NBPF11: variants seen among roughly 807,000 people sequenced by gnomAD.
NBPF11 encodes the protein NBPF member 11, also known as NBPF family member NBPF11.
In NBPF11, 72 loss-of-function variants were observed where a neutral mutation model predicts 93.9. The observed-to-expected ratio is 0.77, with a 90% CI of 0.63 to 0.93. The LOEUF is 0.93. Among genes scored for constraint, NBPF11 ranks in the 40% least tolerant of loss-of-function variants. The pLI is 0.00. For synonymous variants in NBPF11, 224 were observed against 304.9 expected (o/e 0.73, Z 2.76); for missense variants, 705 against 802.2 (o/e 0.88, Z 1.46).
chr1:148,146,985 G>A (rs1490207030), intron 1 of NBPF11: 56 of 1,427,472 alleles, frequency 3.9e-5, no homozygotes, highest in Non-Finnish European at 5.0e-5. Flanking sequence ...GCGGGGGGCC[G>A]GGGGGCGGGC....
At chr1:148,126,720 C>T (rs1351500126) in intron 5 of NBPF11, 109 bp downstream of exon 5, 4 of 666,934 alleles carry the variant, frequency 6.0e-6, no homozygotes, top group African/African-American at 1.8e-5. Context: ...GTTAAAATAC[C>T]CATTTCTGTT....
At chr1:148,124,846 C>T in intron 6 of NBPF11, 53 bp downstream of exon 6, 3 of 1,587,666 alleles carry the variant, frequency 1.9e-6, no homozygotes, top group East Asian at 2.2e-5. Context: ...AGCTGCTGTA[C>T]TTCAGAGATC....
intron 4 of NBPF11, among the ~76,000 whole-genome samples, chr1:148,131,119 T>A (rs1670258593): frequency 6.7e-6 from 1 of 148,652 alleles, no homozygotes; most frequent in Admixed American, 6.7e-5. Context: ...CCCTAAAAAC[T>A]GTTTCAGTAG....
At chr1:148,134,752 T>G (rs1170859364) in intron 4 of NBPF11, among the ~76,000 whole-genome samples, 1 of 151,886 alleles carries the variant, frequency 6.6e-6, no homozygotes, top group Admixed American at 6.6e-5. Context: ...ACAGCCTCAC[T>G]CAATTATGTG....
intron 18 of NBPF11, among the ~76,000 whole-genome samples, chr1:148,108,245 G>C (rs1165539095): frequency 0.034 from 5,193 of 150,716 alleles, 44 homozygotes; most frequent in African/African-American, 0.12. Flanking sequence ...AACATCTTGA[G>C]AGTAGGATTA....
chr1:148,142,010 G>A (rs1306515553), intron 2 of NBPF11, among the ~76,000 whole-genome samples: 106 of 141,006 alleles, frequency 7.5e-4, no homozygotes, highest in Non-Finnish European at 1.1e-3. Flanking sequence ...GGGAAGGAGG[G>A]AGGGAGGAAG....
chr1:148,104,615 C>A lies in NBPF11; in HGVS notation c.2503G>T (p.Glu835Ter). 3.4e-6 allele frequency: 2 copies of A among 581,104 alleles called. No homozygotes were observed. Among genetic ancestry groups the A allele is most frequent in the East Asian group, 5.7e-5 (2 of 35,342 alleles). 36.0% of individuals were successfully genotyped at this position (581,104 alleles called of 1,614,324 possible). Residue 835 changes from glutamate to a stop codon, truncating the protein, a stop_gained, in exon 23 of 24, where the codon GAA becomes TAA. Transcript: ENST00000682118. LOFTEE classifies it high-confidence loss of function. ...KLKRRGRGRK[E>*]GEEDQRRKEE... ...TTTCTTCTTTGATCTTCTTCCCCTTCTTTTCTTCCCCTTCCCCTTCTTTTC... is the reference window on the plus strand; with the variant it reads ...TTTCTTCTTTGATCTTCTTCCCCTTATTTTCTTCCCCTTCCCCTTCTTTTC...
At chr1:148,109,252 C>G (rs200421600) in intron 17 of NBPF11, 32 bp downstream of exon 17, 2 of 830,958 alleles carry the variant, frequency 2.4e-6, no homozygotes, top group Admixed American at 1.7e-5. Context: ...GTGTCAACAT[C>G]AAATTAACTG....
intron 15 of NBPF11, among the ~76,000 whole-genome samples, chr1:148,112,962 A>T (rs1253711624): frequency 6.6e-6 from 1 of 151,832 alleles, no homozygotes; most frequent in Non-Finnish European, 1.5e-5. Context: ...AAGAGCTCCT[A>T]AAGGAAGCAC....
rs1345183884 is a variant in NBPF11 at position 148,132,123 on chromosome 1, A to AAT, written c.-36+3547_-36+3548dup. 4.8e-3 allele frequency among the ~76,000 whole-genome samples: 667 copies of AAT among 138,696 alleles called. 2 individuals carry two copies. The highest frequency in any genetic ancestry group is 0.018 in the African/African-American group (645 of 35,418). 91.0% of individuals were successfully genotyped at this position (138,696 alleles called of 152,430 possible). A position where few individuals can be genotyped will look rare whatever the true frequency, so the allele number is the denominator to read the frequency against. On this transcript the variant is annotated intron_variant, in intron 4 of 23. Coordinates refer to ENST00000682118, the MANE Select transcript of NBPF11 (RefSeq NM_001385469.3). ...TGTGCTGTTTATCTTATCAGACTGC[A>AAT]ATATATATATGTGTGTGTGTGTATA...
chr1:148,111,468 G>T (rs1477655750), intron 15 of NBPF11, among the ~76,000 whole-genome samples: 7 of 151,970 alleles, frequency 4.6e-5, no homozygotes, highest in African/African-American at 1.7e-4. Flanking sequence ...GCTAAAGGAG[G>T]ATGTGCGAAC....
intron 10 of NBPF11, among the ~76,000 whole-genome samples, chr1:148,118,989 TCA>T (rs1667206126): frequency 1.5e-5 from 2 of 133,606 alleles, no homozygotes; most frequent in South Asian, 2.4e-4. Flanking sequence ...GAGTCAGAAT[TCA>T]CAGTCCCTGA....
At chr1:148,141,204 C>T (rs1195964689) in intron 2 of NBPF11, among the ~76,000 whole-genome samples, 2 of 151,928 alleles carry the variant, frequency 1.3e-5, no homozygotes, top group Admixed American at 6.5e-5. Flanking sequence ...AACTATTTTG[C>T]ATGATGCTGT....
rs56000032 is a variant in NBPF11 at position 148,122,422 on chromosome 1, T to C, written c.567-156A>G. On this transcript the variant is annotated intron_variant, in intron 8 of 23. Transcript: ENST00000682118. ...AGAGGGAACAGGCAATCCTCTTCTCTCTGCAACAGAGCTTCGCTGCCATGG... is the reference window on the plus strand; with the variant it reads ...AGAGGGAACAGGCAATCCTCTTCTCCCTGCAACAGAGCTTCGCTGCCATGG... Among the ~76,000 whole-genome samples, 232 of 152,190 alleles carry C rather than the reference T, an allele frequency of 1.5e-3. 6 individuals carry two copies. Among genetic ancestry groups the C allele is most frequent in the African/African-American group, 5.3e-3 (221 of 41,436 alleles).
intron 8 of NBPF11, 22 bp downstream of exon 8, chr1:148,122,707 G>C (rs1468721792): frequency 6.2e-7 from 1 of 1,607,956 alleles, no homozygotes; most frequent in Non-Finnish European, 8.5e-7. Flanking sequence ...CCCATTACTT[G>C]CTCCTGAGTA....
chr1:148,107,941 C>A (rs1664154043), intron 18 of NBPF11, among the ~76,000 whole-genome samples, 179 bp from the exon 19 acceptor site: 1 of 151,656 alleles, frequency 6.6e-6, no homozygotes, highest in Non-Finnish European at 1.5e-5. Context: ...TGGTTTTTGT[C>A]CCAGAAACTG....
chr1:148,120,567 T>G lies in NBPF11; in HGVS notation c.922A>C (p.Ser308Arg). ...QLAEKKQQFRSLKEKCFVTQV... is the reference protein window; with the variant it reads ...QLAEKKQQFRRLKEKCFVTQV... ...GTTACAAAACATTTCTCTTTGAGGCTTCTGAACTGCTGTTTCTTCTCTGCC... is the reference window on the plus strand; with the variant it reads ...GTTACAAAACATTTCTCTTTGAGGCGTCTGAACTGCTGTTTCTTCTCTGCC... Residue 308 changes from serine (S) to arginine (R), a missense_variant, in exon 10 of 24, where the codon AGC (serine) becomes CGC (arginine). By Grantham distance (110) the Ser-to-Arg change is moderately radical. This residue lies in a region of NBPF11 where 262 missense variants were observed against 223.1 expected (regional missense o/e 1.17). Transcript: ENST00000682118. 1.6e-6 allele frequency: 2 copies of G among 1,279,180 alleles called. No homozygotes were observed. The highest frequency in any genetic ancestry group is 2.3e-4 in the Middle Eastern group (1 of 4,314). 79.2% of individuals were successfully genotyped at this position (1,279,180 alleles called of 1,614,324 possible).
chr1:148,145,970 C>T (rs1672938530), intron 1 of NBPF11, among the ~76,000 whole-genome samples: 1 of 152,026 alleles, frequency 6.6e-6, no homozygotes, highest in Admixed American at 6.5e-5. Context: ...AAGAGAAATG[C>T]AATCCATATA....
intron 16 of NBPF11, among the ~76,000 whole-genome samples, chr1:148,109,570 T>C (rs1351269544): frequency 2.0e-5 from 3 of 147,230 alleles, no homozygotes; most frequent in Non-Finnish European, 4.5e-5. Context: ...CCCTATGTGC[T>C]CTGTCCTAGG....
Sources: gnomAD v4.1 joint callset for allele counts (sites outside exome capture counted in the v4.1 genomes callset) on GRCh38, gnomAD v4.1.1 for gene constraint, gnomAD v4.1.1 regional missense constraint, MANE v1.5 for transcripts, NCBI Gene and HGNC (gene_info 2026-07-23, HGNC 2026-07-21) for gene names.